IFT140: variants seen among roughly 807,000 people sequenced by gnomAD.
IFT140 encodes the protein intraflagellar transport 140, also known as intraflagellar transport protein 140 homolog.
A neutral mutation model predicts 164.6 loss-of-function variants in IFT140; 133 were observed. The ratio of observed to expected loss-of-function variants is 0.81; its 90% CI spans 0.70 to 0.93. The LOEUF (loss-of-function observed/expected upper bound fraction) is 0.93. Among genes scored for constraint, IFT140 ranks in the 40% least tolerant of loss-of-function variants. The pLI, the probability that IFT140 is intolerant of heterozygous loss-of-function variation, is 0.00. For missense variants in IFT140, 2,045 were observed against 1,972.3 expected, an observed-to-expected ratio of 1.04 and a Z score of -0.70; for synonymous variants, 860 against 817.3, an observed-to-expected ratio of 1.05 and a Z score of -0.89.
chr16:1,510,582 G>A lies in IFT140; in HGVS notation c.*362C>T, dbSNP rs2040106250. 2.7e-6 allele frequency: 1 copy of A among 368,764 alleles called. No individual in the cohort carries two copies. The highest frequency in any genetic ancestry group is 5.0e-6 in the Non-Finnish European group (1 of 200,836). 22.8% of individuals were successfully genotyped at this position (368,764 alleles called of 1,614,324 possible). ...GTATGGGGAGGATATGATGTGTGGG[G>A]AGCAGGGGGGCAGGTGCCCCAGCCC... On this transcript the variant is annotated 3_prime_UTR_variant, in exon 31 of 31. Transcript: ENST00000426508.
intron 3 of IFT140, chr16:1,604,386 A>G (rs538241573): frequency 6.6e-6 from 1 of 152,354 alleles, no homozygotes; most frequent in East Asian, 1.9e-4. Context: ...TTAATTACAA[A>G]AATGGATGAA....
intron 30 of IFT140, among the ~76,000 whole-genome samples, chr16:1,511,462 G>A (rs555358636): frequency 8.5e-5 from 13 of 152,244 alleles, no homozygotes; most frequent in Non-Finnish European, 1.5e-4. Flanking sequence ...CTCACCGTGC[G>A]TGTGCGGGCA....
intron 3 of IFT140, among the ~76,000 whole-genome samples, chr16:1,606,910 A>G (rs948902711): frequency 6.6e-6 from 1 of 151,694 alleles, no homozygotes; most frequent in East Asian, 1.9e-4. Flanking sequence ...ACCCATATGC[A>G]CACACCCACG....
At chr16:1,528,349 G>A (rs1435452766) in intron 19 of IFT140, among the ~76,000 whole-genome samples, 2 of 130,028 alleles carry the variant, frequency 1.5e-5, no homozygotes, top group Non-Finnish European at 3.4e-5. Flanking sequence ...ACACACGCAT[G>A]CACGCACGTG....
At position 1,608,631 on chromosome 16, in the gene IFT140, CA is replaced by C. The variant is rs10675170; in HGVS notation, c.-31-1335del. On this transcript the variant is annotated intron_variant, in intron 2 of 30. Coordinates refer to ENST00000426508, the MANE Select transcript of IFT140 (RefSeq NM_014714.4). ...CTGGCAACAGAATAGGACTCCGCCT[CA>C]AAAAAAAAAAAAAAAAAAAGAAACC... Among the ~76,000 whole-genome samples, 762 of 83,710 alleles carry C rather than the reference CA, an allele frequency of 9.1e-3. 4 individuals are homozygous for C. The highest frequency in any genetic ancestry group is 0.029 in the African/African-American group (612 of 20,948). 54.9% of individuals were successfully genotyped at this position (83,710 alleles called of 152,430 possible).
chr16:1,607,172 A>G lies in IFT140; in HGVS notation c.95T>C (p.Val32Ala), dbSNP rs903306584. The G allele has an allele frequency of 1.2e-6, 2 of 1,614,168 alleles. No homozygotes were observed. The highest frequency in any genetic ancestry group is 2.2e-5 in the East Asian group (1 of 44,886). The change falls in exon 3 of 31, where the codon GTT (valine) becomes GCT (alanine). Residue 32 changes from valine (V) to alanine (A), a missense_variant. Val to Ala is a moderately conservative substitution (Grantham distance 64). Coordinates refer to ENST00000426508, the MANE Select transcript of IFT140 (RefSeq NM_014714.4). Reference protein sequence around the residue: ...SWHPVHPFLAVAYISTTSTGS... With the variant: ...SWHPVHPFLAAAYISTTSTGS... ...TGTTGAGGTTGTGCTGATGTAAGCA[A>G]CTGCCAAGAATGGATGGACAGGGTG...
intron 13 of IFT140, among the ~76,000 whole-genome samples, chr16:1,574,544 G>A (rs2034180189): frequency 6.6e-6 from 1 of 152,166 alleles, no homozygotes; most frequent in African/African-American, 2.4e-5. Flanking sequence ...GCCTCCCAAA[G>A]TGCTGGGATT....
At chr16:1,605,672 G>C (rs763659980) in intron 3 of IFT140, among the ~76,000 whole-genome samples, 1 of 152,042 alleles carries the variant, frequency 6.6e-6, no homozygotes, top group Non-Finnish European at 1.5e-5. Flanking sequence ...CCAAAGTGTT[G>C]GGATTACAGG....
At chr16:1,591,200 A>G (rs534118272) in intron 6 of IFT140, among the ~76,000 whole-genome samples, 3 of 151,960 alleles carry the variant, frequency 2.0e-5, no homozygotes, top group African/African-American at 4.8e-5. Context: ...CCCCTCCTCT[A>G]GGTGACCAGC....
At chr16:1,513,811 C>T (rs1440888086) in intron 30 of IFT140, among the ~76,000 whole-genome samples, 5 of 149,632 alleles carry the variant, frequency 3.3e-5, no homozygotes, top group African/African-American at 1.2e-4. Context: ...GTAGCTGGGA[C>T]TACAGGCGCC....
At chr16:1,591,670 A>G (rs2035188331) in intron 6 of IFT140, among the ~76,000 whole-genome samples, 1 of 152,150 alleles carries the variant, frequency 6.6e-6, no homozygotes, top group African/African-American at 2.4e-5. Flanking sequence ...TCGTACAGTG[A>G]GGAAGAACGG....
intron 3 of IFT140, among the ~76,000 whole-genome samples, chr16:1,603,932 T>G (rs933125395): frequency 3.3e-5 from 5 of 152,252 alleles, no homozygotes; most frequent in African/African-American, 1.2e-4. Context: ...ATCACTATTT[T>G]GAAATCCTGA....
intron 24 of IFT140, 140 bp downstream of exon 24, chr16:1,524,412 G>T: frequency 8.7e-7 from 1 of 1,150,590 alleles, no homozygotes; most frequent in Non-Finnish European, 1.2e-6. Context: ...GGCGGGTGAG[G>T]CAGACGGGGT....
At position 1,607,125 on chromosome 16, in the gene IFT140, C is replaced by T. The variant is rs984306756; in HGVS notation, c.142G>A (p.Glu48Lys). The T allele has an allele frequency of 5.6e-6, 9 of 1,613,986 alleles. No homozygotes were observed. Among genetic ancestry groups the T allele is most frequent in the Non-Finnish European group, 7.6e-6 (9 of 1,179,914 alleles). The change falls in exon 3 of 31, where the codon GAG (glutamate) becomes AAG (lysine). Residue 48 changes from glutamate (E) to lysine (K), a missense_variant. Transcript: ENST00000426508. ...TSTGSVDIYL[E>K]QGECVPDTHV... Reference sequence around the variant, plus strand: ...CCTTGCTTCTGAGCACTCACTTGCTCCAGGTAAATATCCACGCTGCCTGTT... The same window carrying T: ...CCTTGCTTCTGAGCACTCACTTGCTTCAGGTAAATATCCACGCTGCCTGTT...
chr16:1,587,197 C>A lies in IFT140; in HGVS notation c.1009+1G>T, dbSNP rs1221367358. 5 of 1,594,270 alleles carry A rather than the reference C, an allele frequency of 3.1e-6. No homozygotes were observed. In the African/African-American group the frequency reaches 4.0e-5, roughly 13 times the overall value. On this transcript the variant is annotated splice_donor_variant, in intron 9 of 30. Coordinates refer to ENST00000426508, the MANE Select transcript of IFT140 (RefSeq NM_014714.4). LOFTEE classifies it high-confidence loss of function. ...TCTTGTGCCAGGCCAGGAAGCCTCA[C>A]CTTTGACTTTACAGTAACACACACA...
At position 1,607,127 on chromosome 16, in the gene IFT140, A is replaced by G; in HGVS notation, c.140T>C (p.Leu47Pro). Residue 47 changes from leucine to proline, a missense_variant, in exon 3 of 31, where the codon CTG becomes CCG. Physicochemically the swap from Leu to Pro is moderately conservative, Grantham distance 98. Coordinates refer to ENST00000426508, the MANE Select transcript of IFT140 (RefSeq NM_014714.4). ...TTGCTTCTGAGCACTCACTTGCTCC[A>G]GGTAAATATCCACGCTGCCTGTTGA... is the stretch of plus-strand genomic sequence containing the variant. ...TTSTGSVDIY[L>P]EQGECVPDTH... The G allele has an allele frequency of 1.2e-6, 2 of 1,614,090 alleles. No individual in the cohort carries two copies.
At chr16:1,517,999 G>A (rs1259354940) in intron 30 of IFT140, 1 of 443,866 alleles carries the variant, frequency 2.3e-6, no homozygotes, top group Non-Finnish European at 4.1e-6. Flanking sequence ...CACCATGCCT[G>A]GCTAATTTTT....
Position 1,592,280 on chromosome 16 carries a change from T to C in IFT140, c.530A>G (p.Asp177Gly), listed in dbSNP as rs2141912878. Residue 177 changes from aspartate to glycine, a missense_variant, in exon 6 of 31, where the codon GAT (aspartate) becomes GGT (glycine). Coordinates refer to ENST00000426508, the MANE Select transcript of IFT140 (RefSeq NM_014714.4). ...VQLAKAAVSG[D>G]EKALDMFNWK... is the part of the protein sequence containing the mutation. Reference sequence around the variant, plus strand: ...GTTAAACATGTCCAGGGCTTTCTCATCACCGCTCACAGCTGCCTTTGCCAA... The same window carrying C: ...GTTAAACATGTCCAGGGCTTTCTCACCACCGCTCACAGCTGCCTTTGCCAA... 1 of 1,614,172 alleles carries C rather than the reference T, an allele frequency of 6.2e-7. No homozygotes were observed. The highest frequency in any genetic ancestry group is 2.2e-5 in the East Asian group (1 of 44,874).
intron 19 of IFT140, chr16:1,557,605 G>A (rs2033170925): frequency 7.5e-6 from 2 of 265,486 alleles, no homozygotes; most frequent in Non-Finnish European, 1.4e-5. Context: ...CCACCTGGCT[G>A]TTTTTAGTGT....
Sources: allele counts gnomAD v4.1 joint callset (sites outside exome capture counted in the v4.1 genomes callset), GRCh38; gene constraint gnomAD v4.1.1; transcripts MANE v1.5; gene names NCBI Gene and HGNC (gene_info 2026-07-23, HGNC 2026-07-21).